Variants in PALLD observed in about 807,000 individuals in gnomAD.
PALLD encodes the protein palladin.
A neutral mutation model predicts 123.5 loss-of-function variants in PALLD; 61 were observed. That is an observed-to-expected ratio of 0.49 (90% CI 0.40 to 0.61). The LOEUF (loss-of-function observed/expected upper bound fraction) is 0.61. PALLD is among the 20% of genes least tolerant of loss of function. PALLD has a pLI of 0.00. For missense variants in PALLD, 1,273 were observed against 1,377.0 expected (o/e 0.92, Z 1.20); for synonymous variants, 465 against 496.4 (o/e 0.94, Z 0.84).
intron 1 of PALLD, among the ~76,000 whole-genome samples, chr4:168,498,312 C>G (rs537948456): frequency 6.6e-6 from 1 of 151,820 alleles, no homozygotes; most frequent in African/African-American, 2.4e-5. Context: ...CCCAGGGGTT[C>G]TGTGTCAGCT....
intron 3 of PALLD, among the ~76,000 whole-genome samples, chr4:168,670,190 T>G (rs1780049832): frequency 6.6e-6 from 1 of 152,224 alleles, no homozygotes; most frequent in Non-Finnish European, 1.5e-5. Context: ...AGAGCACTTT[T>G]AAATGAAATT....
At chr4:168,571,890 A>G (rs891839132) in intron 2 of PALLD, among the ~76,000 whole-genome samples, 1 of 152,150 alleles carries the variant, frequency 6.6e-6, no homozygotes, top group Non-Finnish European at 1.5e-5. Context: ...ATTTTTGTTT[A>G]TAAGAATTAT....
chr4:168,529,215 T>C lies in PALLD; in HGVS notation c.908+16803T>C, dbSNP rs577241667. On this transcript the variant is annotated intron_variant, in intron 2 of 21. Coordinates refer to ENST00000505667, the MANE Select transcript of PALLD (RefSeq NM_001166108.2). Reference sequence around the variant, plus strand: ...CGTTGGGCATGGTGGCACATCCCTGTAATCCCAGCTACTCTGGAGACTAAG... The same window carrying C: ...CGTTGGGCATGGTGGCACATCCCTGCAATCCCAGCTACTCTGGAGACTAAG... Among the ~76,000 whole-genome samples, 6 of 152,144 alleles carry C rather than the reference T, an allele frequency of 3.9e-5. No individual in the cohort carries two copies. The East Asian group carries it at 5.8e-4, about 15-fold the overall frequency.
At chr4:168,900,073 T>C (rs1756160075) in intron 14 of PALLD, among the ~76,000 whole-genome samples, 1 of 151,536 alleles carries the variant, frequency 6.6e-6, no homozygotes, top group African/African-American at 2.4e-5. Context: ...ACAGCAAGAG[T>C]AGGAGCAACA....
chr4:168,560,303 C>CGT (rs1767738207), intron 2 of PALLD, among the ~76,000 whole-genome samples: 4 of 152,310 alleles, frequency 2.6e-5, no homozygotes, highest in Admixed American at 2.6e-4. Context: ...CAGTGACACC[C>CGT]ATCACCTTAC....
chr4:168,676,723 C>T (rs1780877605), intron 3 of PALLD, among the ~76,000 whole-genome samples: 1 of 150,092 alleles, frequency 6.7e-6, no homozygotes, highest in Admixed American at 6.6e-5. Flanking sequence ...GTAGCTGGGA[C>T]TACCATGCCC....
At chr4:168,691,216 G>A (rs371124803) in intron 7 of PALLD, 53 bp from the exon 8 acceptor site, 2 of 1,325,068 alleles carry the variant, frequency 1.5e-6, no homozygotes, top group East Asian at 2.3e-5. Context: ...TTAATTAAAT[G>A]GAACCCCATT....
chr4:168,649,611 G>A, intron 2 of PALLD, among the ~76,000 whole-genome samples: 1 of 152,082 alleles, frequency 6.6e-6, no homozygotes, highest in Non-Finnish European at 1.5e-5. Flanking sequence ...TAACTTTATT[G>A]GGTAACATGC....
intron 10 of PALLD, among the ~76,000 whole-genome samples, chr4:168,716,906 T>G (rs2150238136): frequency 6.6e-6 from 1 of 152,278 alleles, no homozygotes; most frequent in South Asian, 2.1e-4. Context: ...GAAGTACAAG[T>G]TGTTCCCTTG....
intron 2 of PALLD, among the ~76,000 whole-genome samples, chr4:168,647,401 A>T (rs750445591): frequency 9.9e-5 from 15 of 152,210 alleles, no homozygotes; most frequent in Non-Finnish European, 1.8e-4. Flanking sequence ...TATTTAAAGA[A>T]AAAGATGTTT....
chr4:168,797,215 A>G (rs1038994736), intron 10 of PALLD, among the ~76,000 whole-genome samples: 6 of 151,706 alleles, frequency 4.0e-5, no homozygotes, highest in African/African-American at 1.2e-4. Context: ...AGAAACAATC[A>G]AATGATTTTC....
intron 2 of PALLD, among the ~76,000 whole-genome samples, chr4:168,585,197 C>T (rs1770687153): frequency 6.6e-6 from 1 of 152,074 alleles, no homozygotes; most frequent in African/African-American, 2.4e-5. Flanking sequence ...AATTTTATGA[C>T]ATATTGCAGT....
At chr4:168,847,896 C>G (rs963254357) in intron 10 of PALLD, among the ~76,000 whole-genome samples, 12 of 152,030 alleles carry the variant, frequency 7.9e-5, no homozygotes, top group African/African-American at 2.2e-4. Context: ...AAGGAAGAAA[C>G]TAAGTCCCAG....
At chr4:168,599,808 A>G (rs1039270409) in intron 2 of PALLD, among the ~76,000 whole-genome samples, 11 of 152,198 alleles carry the variant, frequency 7.2e-5, no homozygotes, top group African/African-American at 2.7e-4. Flanking sequence ...AAAAAGAATA[A>G]GTTAAATCTT....
chr4:168,823,374 C>T (rs190959296), intron 10 of PALLD, among the ~76,000 whole-genome samples: 1 of 152,244 alleles, frequency 6.6e-6, no homozygotes, highest in Admixed American at 6.5e-5. Flanking sequence ...CAATGAGCAG[C>T]TCAAGAATCA....
intron 2 of PALLD, among the ~76,000 whole-genome samples, chr4:168,559,739 A>T (rs1403815765): frequency 6.6e-6 from 1 of 152,092 alleles, no homozygotes; most frequent in East Asian, 1.9e-4. Context: ...TCTACAAAAA[A>T]TACAAAAATT....
At chr4:168,553,889 A>G (rs1767001037) in intron 2 of PALLD, among the ~76,000 whole-genome samples, 1 of 152,156 alleles carries the variant, frequency 6.6e-6, no homozygotes, top group Non-Finnish European at 1.5e-5. Flanking sequence ...GGGTAGGGGC[A>G]TCATGTTATT....
At chr4:168,815,398 A>G (rs1741758037) in intron 10 of PALLD, among the ~76,000 whole-genome samples, 1 of 152,246 alleles carries the variant, frequency 6.6e-6, no homozygotes, top group African/African-American at 2.4e-5. Context: ...TGGTGGAAAT[A>G]GTTGAAAGTA....
Position 168,792,746 on chromosome 4 carries a change from T to C in PALLD, c.1964+80823T>C, listed in dbSNP as rs115746527. Among the ~76,000 whole-genome samples, 961 of 152,178 alleles carry C rather than the reference T, an allele frequency of 6.3e-3. 6 individuals are homozygous for C. Among genetic ancestry groups the C allele is most frequent in the Middle Eastern group, 0.034 (10 of 292 alleles). On this transcript the variant is annotated intron_variant, in intron 10 of 21. Coordinates refer to ENST00000505667, the MANE Select transcript of PALLD (RefSeq NM_001166108.2). ...GTGAATCCAGCAGATAAATTCTATT[T>C]AATCTTATTCTTTTTTTTTCTTTTT...
Sources: gnomAD v4.1 joint callset for allele counts (sites outside exome capture counted in the v4.1 genomes callset) on GRCh38, gnomAD v4.1.1 for gene constraint, MANE v1.5 for transcripts, NCBI Gene and HGNC (gene_info 2026-07-23, HGNC 2026-07-21) for gene names.